The following CHSY1 variants were observed in gnomAD, a reference collection of about 807,000 sequenced individuals.
CHSY1 encodes the protein N-acetylgalactosaminyl-proteoglycan 3-beta-glucuronosyltransferase 1.
In CHSY1, 13 loss-of-function variants were observed where a neutral mutation model predicts 59.8. The ratio of observed to expected loss-of-function variants is 0.22; its 90% CI spans 0.14 to 0.35. The LOEUF (loss-of-function observed/expected upper bound fraction) is 0.35, where lower values mean the gene tolerates loss of function less well. Among genes scored for constraint, CHSY1 ranks in the 10% least tolerant of loss-of-function variants. The pLI is 1.00. For missense variants in CHSY1, 947 were observed against 1,030.6 expected (o/e 0.92, Z 1.11); for synonymous variants, 459 against 401.2 (o/e 1.14, Z -1.72).
chr15:101,212,204 G>A (rs960975575), intron 2 of CHSY1, among the ~76,000 whole-genome samples: 1 of 152,130 alleles, frequency 6.6e-6, no homozygotes, highest in Non-Finnish European at 1.5e-5. Flanking sequence ...ACTCTCATAC[G>A]GTGCTGTTGG....
chr15:101,225,545 T>C (rs2038832983), intron 2 of CHSY1, among the ~76,000 whole-genome samples: 1 of 152,154 alleles, frequency 6.6e-6, no homozygotes, highest in East Asian at 1.9e-4. Context: ...GGTTTATCTG[T>C]GGTGCTGTCC....
Position 101,178,339 on chromosome 15 carries a change from C to T in CHSY1, c.1458G>A (p.Glu486=). Residue 486 remains glutamate, a synonymous_variant, in exon 3 of 3, where the codon GAG becomes GAA. Coordinates refer to ENST00000254190, the MANE Select transcript of CHSY1 (RefSeq NM_014918.5). ...TFSKIQFVEH[E]ELDAQELAKR... ...TGGCCAACTCTTGTGCATCCAGCTC[C>T]TCATGCTCCACAAACTGGATTTTGC... 6.2e-7 allele frequency: 1 copy of T among 1,608,062 alleles called. No homozygotes were observed. Among genetic ancestry groups the T allele is most frequent in the Non-Finnish European group, 8.5e-7 (1 of 1,175,092 alleles).
Position 101,177,381 on chromosome 15 carries a change from C to G in CHSY1, c.*7G>C, listed in dbSNP as rs760818756. The G allele has an allele frequency of 2.5e-6, 4 of 1,599,160 alleles. No homozygotes were observed. The Admixed American group carries it at 5.4e-5, about 22-fold the overall frequency. ...ATTAAAAACGTCTTTTCCAGCAAAG[C>G]TGGACATTAGGCTGTCCTCACTGAG... is the stretch of plus-strand genomic sequence containing the variant. On this transcript the variant is annotated 3_prime_UTR_variant, in exon 3 of 3. Coordinates refer to ENST00000254190, the MANE Select transcript of CHSY1 (RefSeq NM_014918.5).
chr15:101,198,865 T>C (rs531971194), intron 2 of CHSY1, among the ~76,000 whole-genome samples: 1 of 152,304 alleles, frequency 6.6e-6, no homozygotes, highest in South Asian at 2.1e-4. Context: ...TCCCACGGCC[T>C]GCAAAAACCC....
intron 1 of CHSY1, 78 bp from the exon 2 acceptor site, chr15:101,235,655 T>C: frequency 2.0e-6 from 3 of 1,480,880 alleles, no homozygotes; most frequent in Non-Finnish European, 2.8e-6. Flanking sequence ...TCTGCTCATC[T>C]TGTATCGCCG....
At chr15:101,233,398 G>C (rs2038910199) in intron 2 of CHSY1, among the ~76,000 whole-genome samples, 1 of 152,160 alleles carries the variant, frequency 6.6e-6, no homozygotes, top group African/African-American at 2.4e-5. Flanking sequence ...AAGAAGGTTG[G>C]CTTCTCGGAG....
intron 1 of CHSY1, among the ~76,000 whole-genome samples, chr15:101,238,847 A>G (rs543951451): frequency 6.6e-6 from 1 of 152,382 alleles, no homozygotes; most frequent in East Asian, 1.9e-4. Flanking sequence ...CTCCTGAAGA[A>G]AAAGGATGTA....
At chr15:101,180,709 C>T (rs1195515723) in intron 2 of CHSY1, among the ~76,000 whole-genome samples, 4 of 152,198 alleles carry the variant, frequency 2.6e-5, no homozygotes, top group Non-Finnish European at 4.4e-5. Flanking sequence ...CGACTGGCAC[C>T]GGGACTCCTT....
intron 2 of CHSY1, among the ~76,000 whole-genome samples, chr15:101,188,583 G>A (rs2038401670): frequency 7.7e-6 from 1 of 129,696 alleles, no homozygotes; most frequent in Non-Finnish European, 1.5e-5. Context: ...ATTAAGCTGG[G>A]ACTTTAGTGG....
At chr15:101,220,829 A>G (rs2038781157) in intron 2 of CHSY1, among the ~76,000 whole-genome samples, 1 of 152,162 alleles carries the variant, frequency 6.6e-6, no homozygotes, top group Admixed American at 6.5e-5. Context: ...CCGCATGCCC[A>G]TTCCCTCTGT....
rs1342484083 is a variant in CHSY1 at position 101,177,491 on chromosome 15, G to A, written c.2306C>T (p.Ser769Leu). Residue 769 changes from serine (S) to leucine (L), a missense_variant, in exon 3 of 3, where the codon TCG (serine) becomes TTG (leucine). Coordinates refer to ENST00000254190, the MANE Select transcript of CHSY1 (RefSeq NM_014918.5). ...CAGCTGCTGGGTGGACCCATAGGTC[G>A]ATGCTTTGGACCCCAAGCACATTTT... Reference protein sequence around the residue: ...QYKMCLGSKASTYGSTQQLAE... With the variant: ...QYKMCLGSKALTYGSTQQLAE... The A allele has an allele frequency of 1.3e-5, 21 of 1,613,184 alleles. No homozygotes were observed. The highest frequency in any genetic ancestry group is 1.7e-5 in the Non-Finnish European group (20 of 1,179,350).
chr15:101,231,497 G>C (rs746689243), intron 2 of CHSY1, among the ~76,000 whole-genome samples: 1 of 152,188 alleles, frequency 6.6e-6, no homozygotes, highest in African/African-American at 2.4e-5. Flanking sequence ...TTTGAGCCAC[G>C]TGACAGTATT....
At chr15:101,205,851 C>G (rs1490282096) in intron 2 of CHSY1, among the ~76,000 whole-genome samples, 1 of 151,894 alleles carries the variant, frequency 6.6e-6, no homozygotes, top group Non-Finnish European at 1.5e-5. Flanking sequence ...CTCAGGGGGG[C>G]TGAGGCAGGA....
At chr15:101,221,423 G>A (rs1371183599) in intron 2 of CHSY1, among the ~76,000 whole-genome samples, 1 of 152,118 alleles carries the variant, frequency 6.6e-6, no homozygotes, top group Non-Finnish European at 1.5e-5. Context: ...AACCCGGGAG[G>A]AGCCAAGCTT....
intron 2 of CHSY1, among the ~76,000 whole-genome samples, chr15:101,191,273 A>G (rs144637314): frequency 5.3e-4 from 81 of 152,372 alleles, no homozygotes; most frequent in African/African-American, 1.8e-3. Flanking sequence ...AAGACACGGA[A>G]GAAAGTTAAA....
At chr15:101,185,834 CTG>C (rs1017407787) in intron 2 of CHSY1, among the ~76,000 whole-genome samples, 6 of 149,608 alleles carry the variant, frequency 4.0e-5, no homozygotes, top group Non-Finnish European at 5.9e-5. Context: ...TGAGATGAAA[CTG>C]AATCATTTTG....
intron 2 of CHSY1, among the ~76,000 whole-genome samples, chr15:101,222,498 T>C (rs192828810): frequency 6.6e-6 from 1 of 152,274 alleles, no homozygotes; most frequent in Non-Finnish European, 1.5e-5. Context: ...TTACCTAGAG[T>C]GCAGACTTTA....
At chr15:101,181,546 G>C (rs955988181) in intron 2 of CHSY1, among the ~76,000 whole-genome samples, 10 of 152,132 alleles carry the variant, frequency 6.6e-5, no homozygotes, top group Non-Finnish European at 5.9e-5. Context: ...CAGGAAGCTC[G>C]TGCTGCCAAT....
chr15:101,205,899 C>T (rs368924416), intron 2 of CHSY1, among the ~76,000 whole-genome samples: 1 of 151,910 alleles, frequency 6.6e-6, no homozygotes, highest in Admixed American at 6.6e-5. Context: ...TTGCAGTGAG[C>T]CGAGATAGCG....
Sources: allele counts gnomAD v4.1 joint callset (sites outside exome capture counted in the v4.1 genomes callset), GRCh38; gene constraint gnomAD v4.1.1; transcripts MANE v1.5; gene names NCBI Gene and HGNC (gene_info 2026-07-23, HGNC 2026-07-21).